PLEKHA5: variants seen among roughly 807,000 people sequenced by gnomAD.
PLEKHA5 encodes the protein pleckstrin homology domain-containing family A member 5.
A neutral mutation model predicts 181.9 loss-of-function variants in PLEKHA5; 55 were observed. The ratio of observed to expected loss-of-function variants is 0.30; its 90% CI spans 0.24 to 0.38. The LOEUF is 0.38. Ranked by LOEUF, PLEKHA5 falls within the 10% of genes least tolerant of loss-of-function variation. PLEKHA5 has a pLI of 1.00. For missense variants in PLEKHA5, 1,432 were observed against 1,549.5 expected, an observed-to-expected ratio of 0.92 and a Z score of 1.27; for synonymous variants, 535 against 529.4, an observed-to-expected ratio of 1.01 and a Z score of -0.15.
intron 20 of PLEKHA5, among the ~76,000 whole-genome samples, chr12:19,327,659 T>G (rs1394073660): frequency 5.0e-5 from 7 of 139,646 alleles, no homozygotes; most frequent in Non-Finnish European, 9.4e-5. Context: ...TTTTTTTTTT[T>G]TCTGAGACAG....
intron 20 of PLEKHA5, among the ~76,000 whole-genome samples, chr12:19,326,542 G>A (rs1279212197): frequency 6.6e-6 from 1 of 152,152 alleles, no homozygotes; most frequent in Non-Finnish European, 1.5e-5. Context: ...TAGCACAAGG[G>A]AAGCATGTAA....
chr12:19,372,400 T>G (rs1446980603), intron 31 of PLEKHA5: 2 of 147,858 alleles, frequency 1.4e-5, no homozygotes, highest in Admixed American at 6.7e-5. Flanking sequence ...TATTTGTTTT[T>G]GTTTTTTTTT....
At chr12:19,329,818 T>G (rs1348779070) in intron 20 of PLEKHA5, among the ~76,000 whole-genome samples, 3 of 152,110 alleles carry the variant, frequency 2.0e-5, no homozygotes, top group African/African-American at 7.2e-5. Context: ...GGCTCATACT[T>G]GTAATCCTAG....
Position 19,257,456 on chromosome 12 carries a change from T to C in PLEKHA5, c.456T>C (p.Val152=). ...VGRTSRASKK[V]HNFGKRSNSI... ...AGACTTCACGAGCTTCAAAAAAAGTTCATAATTTTGGAAAGAGGTCAAATT... is the reference window on the plus strand; with the variant it reads ...AGACTTCACGAGCTTCAAAAAAAGTCCATAATTTTGGAAAGAGGTCAAATT... The change falls in exon 6 of 32, where the codon GTT becomes GTC. Residue 152 remains valine (V), a synonymous_variant. Transcript: ENST00000429027. 6.2e-7 allele frequency: 1 copy of C among 1,600,256 alleles called. No homozygotes were observed. The highest frequency in any genetic ancestry group is 8.6e-7 in the Non-Finnish European group (1 of 1,169,172).
chr12:19,345,738 G>A (rs2094290091), intron 22 of PLEKHA5, 104 bp from the exon 23 acceptor site: 2 of 572,164 alleles, frequency 3.5e-6, no homozygotes, highest in Non-Finnish European at 6.0e-6. Context: ...ACTCCAGCTT[G>A]GGCAAACAGC....
At chr12:19,265,999 G>A in intron 8 of PLEKHA5, 149 bp downstream of exon 8, 1 of 442,716 alleles carries the variant, frequency 2.3e-6, no homozygotes. Flanking sequence ...TTGTATAGAA[G>A]AATGTCCCTC....
chr12:19,221,071 G>A (rs193021385), intron 3 of PLEKHA5, among the ~76,000 whole-genome samples: 2 of 152,216 alleles, frequency 1.3e-5, no homozygotes, highest in East Asian at 3.9e-4. Flanking sequence ...ATGCAAAATT[G>A]GAAGACATTT....
At position 19,253,949 on chromosome 12, in the gene PLEKHA5, A is replaced by G; in HGVS notation, c.237A>G (p.Glu79=). Residue 79 remains glutamate, a synonymous_variant, in exon 4 of 32, where the codon GAA becomes GAG. Transcript: ENST00000429027. ...TTTTTCCTTTTTTCAGCCATAATGA[A>G]AGGAAAGTGACCTGCAAACATCCAG... The part of the protein sequence containing the change: ...EGARYYINHN[E]RKVTCKHPVT... 1 of 1,596,394 alleles carries G rather than the reference A, an allele frequency of 6.3e-7. No individual in the cohort carries two copies. The highest frequency in any genetic ancestry group is 8.6e-7 in the Non-Finnish European group (1 of 1,169,120).
At chr12:19,296,777 A>C (rs979305298) in intron 15 of PLEKHA5, among the ~76,000 whole-genome samples, 1 of 152,192 alleles carries the variant, frequency 6.6e-6, no homozygotes, top group Non-Finnish European at 1.5e-5. Context: ...AGCTGAAGAC[A>C]GGAAGCAGTC....
chr12:19,287,494 A>G lies in PLEKHA5; in HGVS notation c.1801A>G (p.Arg601Gly). 2.5e-6 allele frequency: 4 copies of G among 1,610,922 alleles called. No homozygotes were observed. The highest frequency in any genetic ancestry group is 3.4e-6 in the Non-Finnish European group (4 of 1,177,762). ...HPKHVYVPDRRSVPAGLTLQS... is the reference protein window; with the variant it reads ...HPKHVYVPDRGSVPAGLTLQS... ...CTAGCATGTCTATGTGCCTGACAGA[A>G]GGTCAGTGCCAGCTGGCCTGACTTT... Residue 601 changes from arginine to glycine, a missense_variant, in exon 13 of 32, where the codon AGG (arginine) becomes GGG (glycine). This residue lies in a region of PLEKHA5 where 1,143 missense variants were observed against 1,168.4 expected (regional missense o/e 0.98). Coordinates refer to ENST00000429027, the MANE Select transcript of PLEKHA5 (RefSeq NM_001256470.2).
intron 3 of PLEKHA5, among the ~76,000 whole-genome samples, chr12:19,182,924 T>C (rs932038608): frequency 2.0e-5 from 3 of 152,198 alleles, no homozygotes; most frequent in African/African-American, 4.8e-5. Flanking sequence ...TCAAAGAGAA[T>C]AATGTTTAAA....
At chr12:19,234,517 A>C (rs2061111743) in intron 3 of PLEKHA5, among the ~76,000 whole-genome samples, 1 of 152,174 alleles carries the variant, frequency 6.6e-6, no homozygotes, top group Non-Finnish European at 1.5e-5. Flanking sequence ...GGTTGACTTG[A>C]TGCCTCTTAG....
At chr12:19,158,589 C>T (rs1307660000) in intron 3 of PLEKHA5, among the ~76,000 whole-genome samples, 1 of 152,078 alleles carries the variant, frequency 6.6e-6, no homozygotes, top group Non-Finnish European at 1.5e-5. Context: ...GCACTAGTAC[C>T]TAAAATTTGC....
At chr12:19,303,170 C>A (rs978889568) in intron 15 of PLEKHA5, among the ~76,000 whole-genome samples, 1 of 145,308 alleles carries the variant, frequency 6.9e-6, no homozygotes, top group African/African-American at 2.6e-5. Flanking sequence ...GATCCACCCA[C>A]CTCAGCCTCC....
chr12:19,363,458 T>C (rs973137387), intron 29 of PLEKHA5, among the ~76,000 whole-genome samples: 1 of 151,530 alleles, frequency 6.6e-6, no homozygotes, highest in Non-Finnish European at 1.5e-5. Flanking sequence ...TGAGCCATCG[T>C]GCCTGGCCAT....
intron 13 of PLEKHA5, among the ~76,000 whole-genome samples, chr12:19,287,807 G>A (rs542694504): frequency 7.0e-4 from 106 of 152,238 alleles, no homozygotes; most frequent in Non-Finnish European, 1.1e-3. Flanking sequence ...GGCCGGGCAC[G>A]GTGGCTCATG....
intron 5 of PLEKHA5, 132 bp downstream of exon 5, chr12:19,255,297 T>C (rs185833131): frequency 5.8e-6 from 3 of 518,358 alleles, no homozygotes; most frequent in African/African-American, 3.9e-5. Context: ...GTAATTGATA[T>C]AAGAAGCAAC....
chr12:19,243,008 A>G (rs975736417), intron 3 of PLEKHA5, among the ~76,000 whole-genome samples: 10 of 152,160 alleles, frequency 6.6e-5, no homozygotes, highest in Admixed American at 5.2e-4. Flanking sequence ...GGAATTGGGA[A>G]AGCTTTCATT....
At chr12:19,151,164 A>G (rs1375353227) in intron 3 of PLEKHA5, 1 of 152,348 alleles carries the variant, frequency 6.6e-6, no homozygotes, top group Non-Finnish European at 1.5e-5. Context: ...GAGAGAATGC[A>G]GTAGGACAGC....
Sources: allele counts gnomAD v4.1 joint callset (sites outside exome capture counted in the v4.1 genomes callset), GRCh38; gene constraint gnomAD v4.1.1; regional missense constraint gnomAD v4.1.1; transcripts MANE v1.5; gene names NCBI Gene and HGNC (gene_info 2026-07-23, HGNC 2026-07-21).